Variants in ASTN2 observed in about 807,000 individuals in gnomAD.
The protein encoded by ASTN2 is astrotactin-2.
In ASTN2, 54 loss-of-function variants were observed where a neutral mutation model predicts 139.8. The ratio of observed to expected loss-of-function variants is 0.39; its 90% CI spans 0.31 to 0.48. The LOEUF (loss-of-function observed/expected upper bound fraction) is 0.48. Among genes scored for constraint, ASTN2 ranks in the 20% least tolerant of loss-of-function variants. ASTN2 has a pLI of 0.95. For missense variants in ASTN2, 1,565 were observed against 1,725.1 expected (o/e 0.91, Z 1.64); for synonymous variants, 756 against 719.5 (o/e 1.05, Z -0.81).
chr9:117,285,513 A>C (rs1834427450), intron 2 of ASTN2, among the ~76,000 whole-genome samples: 1 of 152,212 alleles, frequency 6.6e-6, no homozygotes, highest in Non-Finnish European at 1.5e-5. Flanking sequence ...AAAGCTACTG[A>C]ATAAGAATGG....
intron 2 of ASTN2, among the ~76,000 whole-genome samples, chr9:117,254,067 C>T (rs1335415): frequency 0.22 from 33,608 of 152,020 alleles, 4,181 homozygotes; most frequent in Middle Eastern, 0.27. Context: ...AAGGTTCCAA[C>T]GCCAGCTTTG....
intron 12 of ASTN2, among the ~76,000 whole-genome samples, chr9:116,812,212 C>T (rs1251968234): frequency 6.6e-6 from 1 of 152,132 alleles, no homozygotes; most frequent in Non-Finnish European, 1.5e-5. Context: ...ATGGCCTCCT[C>T]AAAATGCCCA....
chr9:117,217,092 C>A (rs564946132), intron 2 of ASTN2, among the ~76,000 whole-genome samples: 9 of 151,890 alleles, frequency 5.9e-5, no homozygotes, highest in Non-Finnish European at 1.2e-4. Flanking sequence ...GGTTACTGAA[C>A]GGCAATTCTC....
chr9:116,806,639 C>G (rs1831037178), intron 12 of ASTN2, among the ~76,000 whole-genome samples: 1 of 152,064 alleles, frequency 6.6e-6, no homozygotes. Context: ...TTGGACAGAC[C>G]TGTACAAATG....
intron 6 of ASTN2, among the ~76,000 whole-genome samples, chr9:117,023,352 T>G: frequency 6.6e-6 from 1 of 152,176 alleles, no homozygotes; most frequent in Admixed American, 6.6e-5. Context: ...CAAATGGTTT[T>G]GACTGTGTTG....
intron 19 of ASTN2, among the ~76,000 whole-genome samples, chr9:116,554,797 T>C (rs28609682): frequency 0.015 from 2,323 of 152,254 alleles, 61 homozygotes; most frequent in African/African-American, 0.052. Context: ...TTTGAAATCA[T>C]TGATTTTAAC....
At chr9:116,640,391 A>C (rs993047067) in intron 17 of ASTN2, among the ~76,000 whole-genome samples, 4 of 152,248 alleles carry the variant, frequency 2.6e-5, no homozygotes, top group Non-Finnish European at 5.9e-5. Flanking sequence ...GATAACTGTT[A>C]TGGAAGAAAG....
chr9:117,274,080 G>A (rs1415818107), intron 2 of ASTN2, among the ~76,000 whole-genome samples: 1 of 152,178 alleles, frequency 6.6e-6, no homozygotes, highest in African/African-American at 2.4e-5. Flanking sequence ...GTCTGGTGTG[G>A]TAGCTCACGC....
chr9:116,899,186 A>T (rs1833946810), intron 10 of ASTN2, among the ~76,000 whole-genome samples: 1 of 152,208 alleles, frequency 6.6e-6, no homozygotes, highest in Non-Finnish European at 1.5e-5. Flanking sequence ...ATGAGGAGGC[A>T]TTCCACAATG....
chr9:116,863,813 A>T (rs549120313), intron 10 of ASTN2, 80 bp from the exon 11 acceptor site: 2 of 1,373,570 alleles, frequency 1.5e-6, no homozygotes, highest in Admixed American at 2.6e-5. Flanking sequence ...AATTCATTAC[A>T]TTTGAAACCA....
chr9:117,322,937 G>A (rs1045796399), intron 1 of ASTN2, among the ~76,000 whole-genome samples: 2 of 152,104 alleles, frequency 1.3e-5, no homozygotes, highest in African/African-American at 2.4e-5. Flanking sequence ...GGGGACCTTC[G>A]GGGCTGAAAT....
chr9:116,812,389 GGAA>G (rs77961497), intron 12 of ASTN2, among the ~76,000 whole-genome samples: 14,783 of 152,158 alleles, frequency 0.097, 805 homozygotes, highest in East Asian at 0.23. Flanking sequence ...AGTCAGAGGA[GGAA>G]ATGCAACTTA....
At chr9:117,038,099 G>A (rs1028003069) in intron 6 of ASTN2, among the ~76,000 whole-genome samples, 1 of 152,100 alleles carries the variant, frequency 6.6e-6, no homozygotes, top group Non-Finnish European at 1.5e-5. Flanking sequence ...TCTGCACTAC[G>A]GTGAAGTGGG....
intron 4 of ASTN2, among the ~76,000 whole-genome samples, chr9:117,131,479 A>T (rs368475097): frequency 6.6e-6 from 1 of 152,182 alleles, no homozygotes; most frequent in Non-Finnish European, 1.5e-5. Context: ...TTGCAAAACC[A>T]TCTTTTGTGG....
intron 13 of ASTN2, among the ~76,000 whole-genome samples, chr9:116,741,955 A>C (rs1223876877): frequency 1.3e-5 from 2 of 152,160 alleles, no homozygotes; most frequent in African/African-American, 4.8e-5. Flanking sequence ...TCATTCCTTC[A>C]TTCATTCAAC....
chr9:116,595,501 A>G (rs1460812585), intron 19 of ASTN2, among the ~76,000 whole-genome samples: 2 of 151,914 alleles, frequency 1.3e-5, no homozygotes, highest in Non-Finnish European at 2.9e-5. Flanking sequence ...TAATTTTTGA[A>G]TTTTCAGTAG....
chr9:116,953,750 A>G (rs1156928261), intron 10 of ASTN2, among the ~76,000 whole-genome samples: 1 of 152,242 alleles, frequency 6.6e-6, no homozygotes, highest in Non-Finnish European at 1.5e-5. Flanking sequence ...TTAAAGCCTC[A>G]ACAGTGTGAT....
At chr9:117,131,254 T>A (rs1019936679) in intron 4 of ASTN2, among the ~76,000 whole-genome samples, 2 of 152,058 alleles carry the variant, frequency 1.3e-5, no homozygotes, top group Non-Finnish European at 2.9e-5. Flanking sequence ...AAAAGGGCAG[T>A]CAGACATGTC....
intron 19 of ASTN2, among the ~76,000 whole-genome samples, chr9:116,528,278 T>C (rs760485309): frequency 4.6e-5 from 7 of 152,204 alleles, no homozygotes; most frequent in Non-Finnish European, 7.3e-5. Context: ...TGGTATGCTT[T>C]AGCAAAGAGA....
Sources: gnomAD v4.1 joint callset for allele counts (sites outside exome capture counted in the v4.1 genomes callset) on GRCh38, gnomAD v4.1.1 for gene constraint, MANE v1.5 for transcripts, NCBI Gene and HGNC (gene_info 2026-07-23, HGNC 2026-07-21) for gene names.